NEXMIF: variants seen among roughly 807,000 people sequenced by gnomAD.
NEXMIF encodes the protein neurite extension and migration factor.
NEXMIF carries 8 observed loss-of-function variants against 62.1 expected under a neutral mutation model. The ratio of observed to expected loss-of-function variants is 0.13; its 90% CI spans 0.08 to 0.23. NEXMIF has a LOEUF of 0.23. NEXMIF is among the 10% of genes least tolerant of loss of function. The probability of loss-of-function intolerance (pLI) is 1.00; values close to 1 mark genes in which losing one functional copy is unlikely to be tolerated. For missense variants in NEXMIF, 976 were observed against 1,113.3 expected (o/e 0.88, Z 1.75); for synonymous variants, 404 against 416.6 (o/e 0.97, Z 0.37).
At chrX:74,761,366 T>C (rs1054337269) in intron 1 of NEXMIF, among the ~76,000 whole-genome samples, 4 of 111,814 alleles carry the variant, frequency 3.6e-5, no homozygotes, top group African/African-American at 1.3e-4. Flanking sequence ...TTTCAGTTGG[T>C]AGACTATTTA....
chrX:74,748,020 C>T (rs1307116062), intron 1 of NEXMIF, among the ~76,000 whole-genome samples: 1 of 111,926 alleles, frequency 8.9e-6, no homozygotes, highest in East Asian at 2.8e-4. Context: ...CATAAATTGC[C>T]TCTAATGGAA....
intron 1 of NEXMIF, among the ~76,000 whole-genome samples, chrX:74,878,185 G>T (rs1369587594): frequency 9.0e-6 from 1 of 111,690 alleles, no homozygotes; most frequent in Admixed American, 9.6e-5. Context: ...TGTCCTTTCT[G>T]TTTGTTAGTT....
chrX:74,821,891 A>T (rs892651031), intron 1 of NEXMIF, among the ~76,000 whole-genome samples: 2 of 111,247 alleles, frequency 1.8e-5, no homozygotes, highest in African/African-American at 6.5e-5. Flanking sequence ...CTGGGACTAC[A>T]GGCATGCACC....
intron 1 of NEXMIF, among the ~76,000 whole-genome samples, chrX:74,881,536 C>T (rs927267541): frequency 1.1e-5 from 1 of 88,026 alleles, no homozygotes; most frequent in African/African-American, 5.1e-5. Flanking sequence ...CATCTTGGGT[C>T]AGGTACTTCT....
At chrX:74,772,675 A>C (rs1344346335) in intron 1 of NEXMIF, among the ~76,000 whole-genome samples, 1 of 112,523 alleles carries the variant, frequency 8.9e-6, no homozygotes, top group South Asian at 3.7e-4. Context: ...AGCAGAAAGC[A>C]GACCTTGATA....
intron 1 of NEXMIF, among the ~76,000 whole-genome samples, chrX:74,812,703 T>C (rs1367068143): frequency 9.0e-6 from 1 of 111,156 alleles, no homozygotes; most frequent in Non-Finnish European, 1.9e-5. Context: ...TACAAGAAAA[T>C]CAGAGGAAAG....
intron 1 of NEXMIF, among the ~76,000 whole-genome samples, chrX:74,843,580 A>C (rs193039122): frequency 2.3e-3 from 253 of 109,961 alleles, no homozygotes; most frequent in African/African-American, 8.0e-3. Flanking sequence ...ACGCACAGCT[A>C]ATTTTTTGTA....
chrX:74,872,002 T>C (rs1026899738), intron 1 of NEXMIF, among the ~76,000 whole-genome samples: 1 of 111,646 alleles, frequency 9.0e-6, no homozygotes, highest in Admixed American at 9.6e-5. Context: ...TAAGAAATTA[T>C]AAGAGTATTA....
rs1323060611 is a variant in NEXMIF at position 74,792,104 on chromosome X, G to A, written c.-47-46407C>T. Among the ~76,000 whole-genome samples the A allele has an allele frequency of 2.6e-3, 287 of 109,260 alleles. 1 individual carries two copies. Among genetic ancestry groups the A allele is most frequent in the African/African-American group, 9.0e-3 (272 of 30,067 alleles). 94.9% of individuals were successfully genotyped at this position (109,260 alleles called of 115,157 possible). A position where few individuals can be genotyped will look rare whatever the true frequency, so the allele number is the denominator to read the frequency against. ...TTGGATCTTTCCTGCTTTCTCTTGT[G>A]GGCATTTAGTGCTATAAATTTCCCC... On this transcript the variant is annotated intron_variant, in intron 1 of 3. Coordinates refer to ENST00000055682, the MANE Select transcript of NEXMIF (RefSeq NM_001008537.3).
At chrX:74,876,108 G>C (rs1338162104) in intron 1 of NEXMIF, among the ~76,000 whole-genome samples, 3 of 111,004 alleles carry the variant, frequency 2.7e-5, no homozygotes, top group East Asian at 2.8e-4. Context: ...GATCTTTCCT[G>C]CTTTCTCTTG....
chrX:74,894,151 T>C (rs1602270048), intron 1 of NEXMIF, among the ~76,000 whole-genome samples: 1 of 109,147 alleles, frequency 9.2e-6, no homozygotes, highest in East Asian at 2.9e-4. Context: ...AAAAAAAATA[T>C]ATCTGGGCAT....
rs111608526 is a variant in NEXMIF at position 74,919,706 on chromosome X, T to C, written c.-48+5177A>G. ...TTGTTACATACGTATACATGTGCCA[T>C]GCTGGTGTGCTGCACCCATTAACTC... On this transcript the variant is annotated intron_variant, in intron 1 of 3. Transcript: ENST00000055682. Among the ~76,000 whole-genome samples the C allele has an allele frequency of 1.8e-3, 196 of 110,829 alleles. 2 individuals carry two copies. Among genetic ancestry groups the C allele is most frequent in the African/African-American group, 6.0e-3 (182 of 30,457 alleles).
At chrX:74,887,145 T>C (rs1240384146) in intron 1 of NEXMIF, among the ~76,000 whole-genome samples, 2 of 111,997 alleles carry the variant, frequency 1.8e-5, no homozygotes, top group Non-Finnish European at 1.9e-5. Flanking sequence ...ATACAAAAAT[T>C]AATTCAAGAT....
chrX:74,869,374 T>G (rs1204709354), intron 1 of NEXMIF, among the ~76,000 whole-genome samples: 1 of 111,866 alleles, frequency 8.9e-6, no homozygotes, highest in Non-Finnish European at 1.9e-5. Flanking sequence ...TCATACTGAA[T>G]GAGGAAAAAT....
intron 1 of NEXMIF, among the ~76,000 whole-genome samples, chrX:74,827,273 G>A (rs1246847817): frequency 1.8e-5 from 2 of 111,863 alleles, no homozygotes; most frequent in Non-Finnish European, 3.8e-5. Context: ...AAATCAACAA[G>A]GGAGGTAGGC....
chrX:74,754,189 T>C (rs1047467307), intron 1 of NEXMIF, among the ~76,000 whole-genome samples: 1 of 111,878 alleles, frequency 8.9e-6, no homozygotes, highest in African/African-American at 3.2e-5. Context: ...CTTGAACTTC[T>C]GACCTCAGAT....
At chrX:74,923,852 T>C (rs1193821150) in intron 1 of NEXMIF, among the ~76,000 whole-genome samples, 3 of 112,680 alleles carry the variant, frequency 2.7e-5, no homozygotes, top group African/African-American at 9.7e-5. Flanking sequence ...CTAAATGTAG[T>C]GCTGTGCACA....
At chrX:74,874,312 G>A (rs1329814053) in intron 1 of NEXMIF, among the ~76,000 whole-genome samples, 1 of 103,236 alleles carries the variant, frequency 9.7e-6, no homozygotes, top group African/African-American at 3.6e-5. Context: ...TAGATATGTG[G>A]CATTATTTCT....
At chrX:74,773,765 T>G (rs2080218679) in intron 1 of NEXMIF, among the ~76,000 whole-genome samples, 2 of 108,521 alleles carry the variant, frequency 1.8e-5, no homozygotes, top group African/African-American at 6.7e-5. Context: ...AAAAATTAGC[T>G]GGGCATAGTG....
Sources: gnomAD v4.1 joint callset for allele counts (sites outside exome capture counted in the v4.1 genomes callset) on GRCh38, gnomAD v4.1.1 for gene constraint, MANE v1.5 for transcripts, NCBI Gene and HGNC (gene_info 2026-07-23, HGNC 2026-07-21) for gene names.